Variants in NT5C3A observed in about 807,000 individuals in gnomAD.
The protein encoded by NT5C3A is 5'-nucleotidase, cytosolic IIIA.
Under a neutral mutation model 40.0 loss-of-function variants are expected in NT5C3A, and 23 were observed. The ratio of observed to expected loss-of-function variants is 0.58; its 90% CI spans 0.41 to 0.81. The LOEUF (loss-of-function observed/expected upper bound fraction) is 0.81, where lower values mean the gene tolerates loss of function less well. Among genes scored for constraint, NT5C3A ranks in the 40% least tolerant of loss-of-function variants. The pLI is 0.00. For missense variants in NT5C3A, 328 were observed against 403.0 expected (o/e 0.81, Z 1.59); for synonymous variants, 130 against 141.4 (o/e 0.92, Z 0.57).
At chr7:33,056,006 A>T (rs900113556) in intron 1 of NT5C3A, among the ~76,000 whole-genome samples, 4 of 152,310 alleles carry the variant, frequency 2.6e-5, no homozygotes, top group South Asian at 4.1e-4. Context: ...GCTACCTGGG[A>T]GGCTGAGGCA....
rs138923602 is a variant in NT5C3A at position 33,053,064 on chromosome 7, G to A, written c.138+9504C>T. ...CCAGGTTGTAAAAAATTGCTGTATT[G>A]TAGGAAAAAATGCCCACCTCTTGCC... is the stretch of plus-strand genomic sequence containing the variant. On this transcript the variant is annotated intron_variant, in intron 1 of 8. Coordinates refer to ENST00000610140, the MANE Select transcript of NT5C3A (RefSeq NM_001002010.5). Among the ~76,000 whole-genome samples the A allele has an allele frequency of 4.9e-3, 742 of 152,278 alleles. 6 individuals carry two copies. Among genetic ancestry groups the A allele is most frequent in the South Asian group, 0.023 (110 of 4,830 alleles).
rs185322330 is a variant in NT5C3A, at chr7:33,052,819, T to G, written c.138+9749A>C. Among the ~76,000 whole-genome samples the G allele has an allele frequency of 1.3e-3, 198 of 152,326 alleles. 1 individual carries two copies. The highest frequency in any genetic ancestry group is 1.8e-3 in the Non-Finnish European group (120 of 68,028). On this transcript the variant is annotated intron_variant, in intron 1 of 8. Transcript: ENST00000610140. Reference sequence around the variant, plus strand: ...CACCTGCAGGCTTGTTAAAACAGACTGCTGGGTCCAACCTCAAAGTTTCTG... The same window carrying G: ...CACCTGCAGGCTTGTTAAAACAGACGGCTGGGTCCAACCTCAAAGTTTCTG...
chr7:33,056,827 T>C (rs925480576), intron 1 of NT5C3A, among the ~76,000 whole-genome samples: 4 of 152,208 alleles, frequency 2.6e-5, no homozygotes, highest in African/African-American at 9.6e-5. Flanking sequence ...TTTGTTTTTT[T>C]TGAGATGGAG....
At position 33,028,887 on chromosome 7, in the gene NT5C3A, C is replaced by G. The variant is rs541765622; in HGVS notation, c.139-1972G>C. On this transcript the variant is annotated intron_variant, in intron 1 of 8. Coordinates refer to ENST00000610140, the MANE Select transcript of NT5C3A (RefSeq NM_001002010.5). ...TGGCTAACATGGTGAAATACTGTCT[C>G]TACTGAAAACATAAAAAATTAGCTG... Among the ~76,000 whole-genome samples, 241 of 152,016 alleles carry G rather than the reference C, an allele frequency of 1.6e-3. 2 individuals are homozygous for G. Among genetic ancestry groups the G allele is most frequent in the African/African-American group, 5.4e-3 (226 of 41,490 alleles).
At chr7:33,038,667 T>A (rs1786737700) in intron 1 of NT5C3A, among the ~76,000 whole-genome samples, 2 of 152,136 alleles carry the variant, frequency 1.3e-5, no homozygotes, top group Admixed American at 6.5e-5. Flanking sequence ...AAAATTACTC[T>A]AAGGTCTTAT....
intron 6 of NT5C3A, 64 bp from the exon 7 acceptor site, chr7:33,017,665 G>T: frequency 7.8e-7 from 1 of 1,288,206 alleles, no homozygotes. Context: ...TTACTTAGAA[G>T]CTAAAAAAGT....
chr7:33,019,169 C>A (rs898335398), intron 6 of NT5C3A, among the ~76,000 whole-genome samples: 1 of 151,664 alleles, frequency 6.6e-6, no homozygotes, highest in East Asian at 1.9e-4. Flanking sequence ...GCAAGGGGAT[C>A]GCTTGAGCCC....
At chr7:33,029,213 T>C (rs552505234) in intron 1 of NT5C3A, 11 of 157,748 alleles carry the variant, frequency 7.0e-5, no homozygotes, top group Non-Finnish European at 1.4e-4. Context: ...GATTTTTCAA[T>C]AGATGGAAAG....
chr7:33,057,718 CT>C (rs1787625303), intron 1 of NT5C3A, among the ~76,000 whole-genome samples: 2 of 151,978 alleles, frequency 1.3e-5, no homozygotes, highest in African/African-American at 2.4e-5. Context: ...TCCATCTCCC[CT>C]ATCCCCCACA....
At chr7:33,046,805 C>CT (rs558923448) in intron 1 of NT5C3A, among the ~76,000 whole-genome samples, 182 of 140,428 alleles carry the variant, frequency 1.3e-3, no homozygotes, top group Admixed American at 2.0e-3. Flanking sequence ...TTAGCACTGA[C>CT]TTTTTTTTTT....
intron 5 of NT5C3A, among the ~76,000 whole-genome samples, chr7:33,020,836 G>A (rs989821952): frequency 1.5e-5 from 2 of 137,038 alleles, no homozygotes; most frequent in African/African-American, 5.6e-5. Context: ...TCCAGAATCC[G>A]ACACAGTGCT....
intron 1 of NT5C3A, among the ~76,000 whole-genome samples, chr7:33,062,039 T>C (rs1189912812): frequency 6.6e-6 from 1 of 152,210 alleles, no homozygotes; most frequent in Admixed American, 6.5e-5. Flanking sequence ...CCTGAATTTC[T>C]CCTGGATTGC....
At chr7:33,060,873 C>T (rs1389631898) in intron 1 of NT5C3A, among the ~76,000 whole-genome samples, 1 of 152,200 alleles carries the variant, frequency 6.6e-6, no homozygotes, top group African/African-American at 2.4e-5. Context: ...TAACATGAAG[C>T]TCTTTTCACT....
intron 1 of NT5C3A, among the ~76,000 whole-genome samples, chr7:33,036,707 A>G (rs1338886966): frequency 2.6e-5 from 4 of 152,344 alleles, no homozygotes; most frequent in Non-Finnish European, 5.9e-5. Flanking sequence ...CTACCGAATC[A>G]ATATAGGAAT....
chr7:33,038,960 T>C (rs1035378161), intron 1 of NT5C3A: 7 of 447,134 alleles, frequency 1.6e-5, no homozygotes, highest in African/African-American at 1.4e-4. Flanking sequence ...ACATTTTAAG[T>C]CTTCAGAGTC....
intron 1 of NT5C3A, among the ~76,000 whole-genome samples, chr7:33,054,760 C>T (rs553583546): frequency 4.5e-4 from 68 of 152,310 alleles, no homozygotes; most frequent in African/African-American, 1.6e-3. Flanking sequence ...GTGTCAATAT[C>T]TCAGCCACTT....
At chr7:33,017,361 TA>T in intron 7 of NT5C3A, 77 bp downstream of exon 7, 3 of 1,175,894 alleles carry the variant, frequency 2.6e-6, no homozygotes, top group Non-Finnish European at 3.7e-6. Flanking sequence ...GGATATATAT[TA>T]AGTAACAATA....
chr7:33,045,317 C>T (rs532901108), intron 1 of NT5C3A, among the ~76,000 whole-genome samples: 3 of 152,202 alleles, frequency 2.0e-5, no homozygotes, highest in Admixed American at 1.3e-4. Context: ...AGTGAACTGA[C>T]TTCAATATTA....
At chr7:33,018,440 A>G (rs987372216) in intron 6 of NT5C3A, among the ~76,000 whole-genome samples, 1 of 152,206 alleles carries the variant, frequency 6.6e-6, no homozygotes, top group Non-Finnish European at 1.5e-5. Flanking sequence ...TTTTCTGACA[A>G]TTTATTGCTT....
Sources: gnomAD v4.1 joint callset for allele counts (sites outside exome capture counted in the v4.1 genomes callset) on GRCh38, gnomAD v4.1.1 for gene constraint, MANE v1.5 for transcripts, NCBI Gene and HGNC (gene_info 2026-07-23, HGNC 2026-07-21) for gene names.